HNRNPLL: variants seen among roughly 807,000 people sequenced by gnomAD.
The protein encoded by HNRNPLL is heterogeneous nuclear ribonucleoprotein L-like.
In HNRNPLL, 25 loss-of-function variants were observed where a neutral mutation model predicts 67.1. The observed-to-expected ratio is 0.37, with a 90% CI of 0.27 to 0.52. HNRNPLL has a LOEUF of 0.52. Ranked by LOEUF, HNRNPLL falls within the 20% of genes least tolerant of loss-of-function variation. HNRNPLL has a pLI of 0.90. For missense variants in HNRNPLL, 542 were observed against 673.9 expected, an observed-to-expected ratio of 0.80 and a Z score of 2.17; for synonymous variants, 267 against 241.7, an observed-to-expected ratio of 1.10 and a Z score of -0.97.
intron 6 of HNRNPLL, among the ~76,000 whole-genome samples, chr2:38,580,664 A>G (rs1226461273): frequency 6.6e-6 from 1 of 152,230 alleles, no homozygotes; most frequent in Non-Finnish European, 1.5e-5. Context: ...TTGTTTTTAC[A>G]AGATCCACAT....
chr2:38,593,529 C>T (rs1572459948), intron 1 of HNRNPLL, among the ~76,000 whole-genome samples: 1 of 152,180 alleles, frequency 6.6e-6, no homozygotes, highest in Admixed American at 6.5e-5. Flanking sequence ...TTGGCCTGAA[C>T]TCTTCAAAAA....
At position 38,563,646 on chromosome 2, in the gene HNRNPLL, T is replaced by C. The variant is rs944849399; in HGVS notation, c.*536A>G. ...ACTGTACACGTGTATCCATGTCTGT[T>C]AGCCTTTCAGAAATATAAAATCAGT... On this transcript the variant is annotated 3_prime_UTR_variant, in exon 13 of 13. Coordinates refer to ENST00000449105, the MANE Select transcript of HNRNPLL (RefSeq NM_138394.4). 6.5e-6 allele frequency: 1 copy of C among 152,816 alleles called. No individual in the cohort carries two copies. The highest frequency in any genetic ancestry group is 1.5e-5 in the Non-Finnish European group (1 of 68,522). 9.5% of individuals were successfully genotyped at this position (152,816 alleles called of 1,614,324 possible). A position where few individuals can be genotyped will look rare whatever the true frequency, so the allele number is the denominator to read the frequency against.
At chr2:38,598,642 T>G (rs1667306633) in intron 1 of HNRNPLL, among the ~76,000 whole-genome samples, 1 of 152,208 alleles carries the variant, frequency 6.6e-6, no homozygotes, top group African/African-American at 2.4e-5. Flanking sequence ...TCAATTATTG[T>G]GTTTTAAATG....
At chr2:38,580,119 C>A (rs1666465713) in intron 6 of HNRNPLL, among the ~76,000 whole-genome samples, 1 of 151,908 alleles carries the variant, frequency 6.6e-6, no homozygotes, top group Non-Finnish European at 1.5e-5. Context: ...TTTAAAGAGC[C>A]CCTGAGAAAA....
At position 38,591,601 on chromosome 2, in the gene HNRNPLL, A is replaced by C; in HGVS notation, c.237T>G (p.His79Gln). Residue 79 changes from histidine (H) to glutamine (Q), a missense_variant, in exon 2 of 13, where the codon CAT becomes CAG. Physicochemically the swap from His to Gln is conservative, Grantham distance 24. Around this residue, in one of 2 missense-constraint regions of HNRNPLL, gnomAD observed 415 missense variants for 575.2 expected, o/e 0.72. Transcript: ENST00000449105. ...CCACAGATTCACAGAGTCCTCGAAC[A>C]TGGACGACGGGTGAAACAGAAACTT... ...HHKVSVSPVV[H>Q]VRGLCESVVE... The C allele has an allele frequency of 6.2e-7, 1 of 1,613,954 alleles. No homozygotes were observed. Among genetic ancestry groups the C allele is most frequent in the Non-Finnish European group, 8.5e-7 (1 of 1,179,820 alleles).
At chr2:38,588,740 T>C (rs1666838256) in intron 2 of HNRNPLL, among the ~76,000 whole-genome samples, 1 of 152,090 alleles carries the variant, frequency 6.6e-6, no homozygotes, top group Admixed American at 6.5e-5. Flanking sequence ...TTTGAAAATC[T>C]TTAAAACGCA....
At chr2:38,589,457 C>A (rs933547047) in intron 2 of HNRNPLL, among the ~76,000 whole-genome samples, 3 of 152,188 alleles carry the variant, frequency 2.0e-5, no homozygotes, top group Non-Finnish European at 2.9e-5. Flanking sequence ...ACCTCTCATG[C>A]AAGTTCATTT....
chr2:38,596,190 TACTC>T (rs1667182079), intron 1 of HNRNPLL, among the ~76,000 whole-genome samples: 1 of 152,274 alleles, frequency 6.6e-6, no homozygotes, highest in African/African-American at 2.4e-5. Flanking sequence ...TCCCCCAAAA[TACTC>T]ATACTGTTCT....
At position 38,582,061 on chromosome 2, in the gene HNRNPLL, A is replaced by T. The variant is rs968633141; in HGVS notation, c.729+11T>A. ...ATATTTCTTGGGTAGGGTGTTGAAA[A>T]AAATATTTACCCGTGCATATTCAAT... On this transcript the variant is annotated intron_variant, in intron 5 of 12. Transcript: ENST00000449105. 1 of 1,609,842 alleles carries T rather than the reference A, an allele frequency of 6.2e-7. No individual in the cohort carries two copies. Among genetic ancestry groups the T allele is most frequent in the Non-Finnish European group, 8.5e-7 (1 of 1,176,112 alleles).
chr2:38,602,877 C>CCCTCCT lies in HNRNPLL; in HGVS notation c.-257_-252dup, dbSNP rs758837741. ...ATTACCGAGCCAACATTCAGCCTCT[C>CCCTCCT]CCTCCTCCTCCTCCGTCTCCGCTCC... On this transcript the variant is annotated 5_prime_UTR_variant, in exon 1 of 13. Coordinates refer to ENST00000449105, the MANE Select transcript of HNRNPLL (RefSeq NM_138394.4). 3 of 1,548,384 alleles carry CCCTCCT rather than the reference C, an allele frequency of 1.9e-6. No individual in the cohort carries two copies. Among genetic ancestry groups the CCCTCCT allele is most frequent in the Admixed American group, 3.9e-5 (2 of 50,904 alleles).
At chr2:38,570,003 C>T in intron 8 of HNRNPLL, 78 bp from the exon 9 acceptor site, 1 of 983,880 alleles carries the variant, frequency 1.0e-6, no homozygotes, top group Non-Finnish European at 1.5e-6. Context: ...ACAATACGAC[C>T]TAAGTGGTTA....
chr2:38,578,082 G>C (rs1573733242), intron 6 of HNRNPLL: 1 of 455,900 alleles, frequency 2.2e-6, no homozygotes, highest in East Asian at 7.0e-5. Flanking sequence ...CCTGACTTGA[G>C]AGCTGAAAAT....
At chr2:38,582,676 T>C (rs562172395) in intron 4 of HNRNPLL, among the ~76,000 whole-genome samples, 1 of 152,094 alleles carries the variant, frequency 6.6e-6, no homozygotes, top group African/African-American at 2.4e-5. Context: ...TCCCAGCACT[T>C]TGGGAGGCTG....
At chr2:38,587,208 C>T (rs1666768058) in intron 2 of HNRNPLL, among the ~76,000 whole-genome samples, 1 of 152,166 alleles carries the variant, frequency 6.6e-6, no homozygotes, top group African/African-American at 2.4e-5. Context: ...AAACAGATCA[C>T]CTTACAGCCT....
chr2:38,583,584 G>C (rs1451701528), intron 4 of HNRNPLL, among the ~76,000 whole-genome samples: 2 of 152,172 alleles, frequency 1.3e-5, no homozygotes, highest in Non-Finnish European at 2.9e-5. Flanking sequence ...TTCCAAAATA[G>C]TACAAGTGTA....
intron 2 of HNRNPLL, among the ~76,000 whole-genome samples, chr2:38,589,699 T>C (rs1666887592): frequency 6.6e-6 from 1 of 152,208 alleles, no homozygotes; most frequent in Non-Finnish European, 1.5e-5. Context: ...TAATTCAAAT[T>C]ACTAACTTAA....
intron 7 of HNRNPLL, among the ~76,000 whole-genome samples, chr2:38,575,371 T>C (rs1666261833): frequency 6.6e-6 from 1 of 151,862 alleles, no homozygotes; most frequent in Admixed American, 6.6e-5. Flanking sequence ...TATTAACATC[T>C]TGAAGGCATT....
Position 38,583,899 on chromosome 2 carries a change from C to A in HNRNPLL, c.574G>T (p.Val192Phe). ...ATAACAATACGTTGCACTTTGCCAA[C>A]AGGGTTGCATACAGTATATAAAACA... ...VDVLYTVCNP[V>F]GKVQRIVIFK... Residue 192 changes from valine to phenylalanine, a missense_variant, in exon 4 of 13, where the codon GTT becomes TTT. Val to Phe is a conservative substitution (Grantham distance 50, BLOSUM62 -1). Transcript: ENST00000449105. The A allele has an allele frequency of 6.4e-7, 1 of 1,564,206 alleles. No individual in the cohort carries two copies.
In HNRNPLL at chr2:38,568,218, G is replaced by A. The variant is rs974478719; in HGVS notation, c.1554C>T (p.His518=). The change falls in exon 12 of 13, where the codon CAC becomes CAT. Residue 518 remains histidine (H), a synonymous_variant. Coordinates refer to ENST00000449105, the MANE Select transcript of HNRNPLL (RefSeq NM_138394.4). The part of the protein sequence containing the change: ...DAVEALTALN[H]YQIRVPNGSN... ...ACTTACTCGGCACTCTTATCTGATA[G>A]TGATTCAGTGCCGTAAGGGCTTCTA... 6.2e-7 allele frequency: 1 copy of A among 1,609,296 alleles called. No homozygotes were observed. The highest frequency in any genetic ancestry group is 8.5e-7 in the Non-Finnish European group (1 of 1,176,136).
Sources: gnomAD v4.1 joint callset for allele counts (sites outside exome capture counted in the v4.1 genomes callset) on GRCh38, gnomAD v4.1.1 for gene constraint, gnomAD v4.1.1 regional missense constraint, MANE v1.5 for transcripts, NCBI Gene and HGNC (gene_info 2026-07-23, HGNC 2026-07-21) for gene names.